Variants in BAX observed in about 807,000 individuals in gnomAD.
BAX encodes BCL2 associated X, apoptosis regulator.
BAX carries 21 observed loss-of-function variants against 26.8 expected under a neutral mutation model. The observed-to-expected ratio is 0.78, with a 90% CI of 0.56 to 1.13. BAX has a LOEUF of 1.13. Ranked by LOEUF, BAX falls within the 50% of genes most tolerant of loss-of-function variation. The pLI is 0.00. For missense variants in BAX, 236 were observed against 254.6 expected, an observed-to-expected ratio of 0.93 and a Z score of 0.50; for synonymous variants, 110 against 101.8, an observed-to-expected ratio of 1.08 and a Z score of -0.49.
rs151036634 is a variant in BAX at position 48,955,556 on chromosome 19, A to G, written c.43A>G (p.Ser15Gly). The G allele has an allele frequency of 4.7e-5, 76 of 1,612,650 alleles. 1 individual carries two copies. The Middle Eastern group carries it at 6.6e-4, about 14-fold the overall frequency. ...GEQPRGGGPT[S>G]SEQIMKTGAL... ...CTTCCTTTCTCCTCTAGGGCCCACC[A>G]GCTCTGAGCAGATCATGAAGACAGG... The change falls in exon 2 of 6, where the codon AGC (serine) becomes GGC (glycine). Residue 15 changes from serine to glycine, a missense_variant. By Grantham distance (56) the Ser-to-Gly change is moderately conservative (BLOSUM62 0). Coordinates refer to ENST00000345358, the MANE Select transcript of BAX (RefSeq NM_138761.4).
chr19:48,955,089 C>A, intron 1 of BAX, 127 bp downstream of exon 1: 1 of 1,131,280 alleles, frequency 8.8e-7, no homozygotes, highest in Non-Finnish European at 1.1e-6. Flanking sequence ...GGATCGGGCG[C>A]TGCCAGCCTC....
In BAX at chr19:48,956,302, T is replaced by G. The variant is rs1180385242; in HGVS notation, c.338T>G (p.Leu113Arg). The G allele has an allele frequency of 6.3e-7, 1 of 1,579,244 alleles. No individual in the cohort carries two copies. Among genetic ancestry groups the G allele is most frequent in the Non-Finnish European group, 8.6e-7 (1 of 1,164,138 alleles). Residue 113 changes from leucine (L) to arginine (R), a missense_variant, in exon 4 of 6, where the codon CTT becomes CGT. Transcript: ENST00000345358. Reference sequence around the variant, plus strand: ...TTCAACTGGGGCCGGGTTGTCGCCCTTTTCTACTTTGCCAGCAAACTGGTG... The same window carrying G: ...TTCAACTGGGGCCGGGTTGTCGCCCGTTTCTACTTTGCCAGCAAACTGGTG... Reference protein sequence around the residue: ...GNFNWGRVVALFYFASKLVLK... With the variant: ...GNFNWGRVVARFYFASKLVLK...
At chr19:48,959,868 C>G (rs918360292) in intron 4 of BAX, among the ~76,000 whole-genome samples, 1 of 151,310 alleles carries the variant, frequency 6.6e-6, no homozygotes, top group Non-Finnish European at 1.5e-5. Flanking sequence ...TGGCAGGCAC[C>G]TGTAATCCCA....
intron 3 of BAX, 72 bp from the exon 4 acceptor site, chr19:48,956,126 C>T (rs1037808559): frequency 4.2e-5 from 61 of 1,438,692 alleles, no homozygotes; most frequent in African/African-American, 5.8e-5. Flanking sequence ...CTTTAGTGTG[C>T]GGTGGATGCG....
At chr19:48,961,178 G>A in intron 5 of BAX, 2 of 1,517,668 alleles carry the variant, frequency 1.3e-6, no homozygotes, top group Non-Finnish European at 8.8e-7. Context: ...AGTGCCTTCT[G>A]CCCTCCCTGG....
Position 48,954,893 on chromosome 19 carries a change from C to T in BAX, c.-36C>T. On this transcript the variant is annotated 5_prime_UTR_variant, in exon 1 of 6. Coordinates refer to ENST00000345358, the MANE Select transcript of BAX (RefSeq NM_138761.4). ...CCCGGGCGCGCTGCGGCCGCCCGCG[C>T]GGACCCGGCGAGAGGCGGCGGCGGG... 8.1e-7 allele frequency: 1 copy of T among 1,227,288 alleles called. No individual in the cohort carries two copies. The highest frequency in any genetic ancestry group is 4.1e-5 in the South Asian group (1 of 24,374). The allele number at this position is 1,227,288 out of a possible 1,614,324, so 76.0% of individuals were successfully genotyped here.
intron 4 of BAX, among the ~76,000 whole-genome samples, chr19:48,958,187 C>T (rs1337629422): frequency 6.6e-6 from 1 of 151,202 alleles, no homozygotes; most frequent in Non-Finnish European, 1.5e-5. Context: ...CCGCTGGGGT[C>T]AAGCAGTTCT....
intron 4 of BAX, among the ~76,000 whole-genome samples, chr19:48,958,963 T>G (rs773251715): frequency 5.9e-5 from 9 of 152,028 alleles, no homozygotes; most frequent in Non-Finnish European, 1.0e-4. Context: ...GATGATAGAA[T>G]AGAAGTGGCC....
chr19:48,961,488 G>A (rs1486122401), intron 5 of BAX, 44 bp from the exon 6 acceptor site: 9 of 1,515,848 alleles, frequency 5.9e-6, no homozygotes, highest in Non-Finnish European at 8.1e-6. Flanking sequence ...CCCAGGGGCT[G>A]CCCCTGGCCG....
Position 48,960,929 on chromosome 19 carries a change from G to T in BAX, c.474+15G>T. 5.0e-6 allele frequency: 8 copies of T among 1,613,646 alleles called. No homozygotes were observed. Among genetic ancestry groups the T allele is most frequent in the Non-Finnish European group, 6.8e-6 (8 of 1,179,924 alleles). On this transcript the variant is annotated intron_variant, in intron 5 of 5. Coordinates refer to ENST00000345358, the MANE Select transcript of BAX (RefSeq NM_138761.4). ...AGGGTGGTTGGGTGAGACTCCTCAA[G>T]CCTCCTCACCCCCACCACCGCGCCC...
chr19:48,956,301 C>G lies in BAX; in HGVS notation c.337C>G (p.Leu113Val). ...GNFNWGRVVA[L>V]FYFASKLVLK... ...CTTCAACTGGGGCCGGGTTGTCGCCCTTTTCTACTTTGCCAGCAAACTGGT... is the reference window on the plus strand; with the variant it reads ...CTTCAACTGGGGCCGGGTTGTCGCCGTTTTCTACTTTGCCAGCAAACTGGT... The change falls in exon 4 of 6, where the codon CTT becomes GTT. Residue 113 changes from leucine to valine, a missense_variant. Leu to Val is a conservative substitution (Grantham distance 32). Coordinates refer to ENST00000345358, the MANE Select transcript of BAX (RefSeq NM_138761.4). 1 of 1,581,272 alleles carries G rather than the reference C, an allele frequency of 6.3e-7. No individual in the cohort carries two copies. Among genetic ancestry groups the G allele is most frequent in the Non-Finnish European group, 8.6e-7 (1 of 1,165,188 alleles).
Position 48,961,650 on chromosome 19 carries a change from CT to C in BAX, c.*16del. On this transcript the variant is annotated 3_prime_UTR_variant, in exon 6 of 6. Coordinates refer to ENST00000345358, the MANE Select transcript of BAX (RefSeq NM_138761.4). ...AAGATGGGCTGAGGCCCCCAGCTGC[CT>C]TGGACTGTGTTTTTCCTCCATAAAT... is the stretch of plus-strand genomic sequence containing the variant. The C allele has an allele frequency of 6.4e-7, 1 of 1,571,444 alleles. No homozygotes were observed. Among genetic ancestry groups the C allele is most frequent in the Non-Finnish European group, 8.7e-7 (1 of 1,155,546 alleles).
chr19:48,959,880 C>T (rs1253538604), intron 4 of BAX, among the ~76,000 whole-genome samples: 1 of 150,684 alleles, frequency 6.6e-6, no homozygotes, highest in Non-Finnish European at 1.5e-5. Flanking sequence ...GTAATCCCAA[C>T]CCTTTGGGAG....
At chr19:48,960,984 C>A (rs1288106290) in intron 5 of BAX, 70 bp downstream of exon 5, 1 of 1,612,330 alleles carries the variant, frequency 6.2e-7, no homozygotes, top group Admixed American at 1.7e-5. Context: ...ACCGTCCCTG[C>A]CCCCCGCCAC....
intron 4 of BAX, among the ~76,000 whole-genome samples, chr19:48,957,336 G>A (rs1042379653): frequency 4.0e-5 from 5 of 125,618 alleles, no homozygotes; most frequent in African/African-American, 1.2e-4. Flanking sequence ...GTGCAATGGC[G>A]CCATCTCGGC....
In BAX at chr19:48,961,572, C is replaced by A. The variant is rs2038361937; in HGVS notation, c.515C>A (p.Thr172Asn). 1 of 1,611,868 alleles carries A rather than the reference C, an allele frequency of 6.2e-7. No individual in the cohort carries two copies. The highest frequency in any genetic ancestry group is 1.3e-5 in the African/African-American group (1 of 74,878). Residue 172 changes from threonine (T) to asparagine (N), a missense_variant, in exon 6 of 6, where the codon ACC becomes AAC. Physicochemically the swap from Thr to Asn is moderately conservative, Grantham distance 65 (BLOSUM62 0). Coordinates refer to ENST00000345358, the MANE Select transcript of BAX (RefSeq NM_138761.4). The part of the protein sequence containing the change: ...LSYFGTPTWQ[T>N]VTIFVAGVLT... The stretch of plus-strand genomic sequence containing the variant: ...TACTTTGGGACGCCCACGTGGCAGA[C>A]CGTGACCATCTTTGTGGCGGGAGTG...
intron 4 of BAX, chr19:48,960,230 A>G (rs918380748): frequency 1.6e-5 from 7 of 445,912 alleles, no homozygotes; most frequent in Admixed American, 1.2e-4. Flanking sequence ...TTCTTGCTCT[A>G]TTGTCCAGGC....
At chr19:48,955,486 C>T (rs2038087348) in intron 1 of BAX, 62 bp from the exon 2 acceptor site, 2 of 1,548,228 alleles carry the variant, frequency 1.3e-6, no homozygotes, top group South Asian at 2.4e-5. Context: ...TGAGTCTCCA[C>T]AGTCTCCTGA....
intron 4 of BAX, among the ~76,000 whole-genome samples, chr19:48,959,783 A>G (rs11669164): frequency 0.53 from 78,253 of 148,536 alleles, 20,804 homozygotes; most frequent in East Asian, 0.69. Flanking sequence ...CCGAGACTGC[A>G]CTATTGTACT....
Sources: allele counts gnomAD v4.1 joint callset (sites outside exome capture counted in the v4.1 genomes callset), GRCh38; gene constraint gnomAD v4.1.1; transcripts MANE v1.5; gene names NCBI Gene and HGNC (gene_info 2026-07-23, HGNC 2026-07-21).